The following OSBPL10 variants were observed in gnomAD, a reference collection of about 807,000 sequenced individuals.
OSBPL10 encodes the protein oxysterol binding protein like 10, also known as oxysterol-binding protein-related protein 10.
Under a neutral mutation model 81.7 loss-of-function variants are expected in OSBPL10, and 49 were observed. The observed-to-expected ratio is 0.60, with a 90% confidence interval of 0.48 to 0.76. The LOEUF (loss-of-function observed/expected upper bound fraction) is 0.76, where lower values mean the gene tolerates loss of function less well. Ranked by LOEUF, OSBPL10 falls within the 30% of genes least tolerant of loss-of-function variation. The pLI is 0.00. For missense variants in OSBPL10, 923 were observed against 987.8 expected (o/e 0.93, Z 0.88); for synonymous variants, 419 against 383.6 (o/e 1.09, Z -1.08).
intron 6 of OSBPL10, among the ~76,000 whole-genome samples, chr3:31,727,066 C>T (rs1384942517): frequency 6.6e-6 from 1 of 152,026 alleles, no homozygotes; most frequent in African/African-American, 2.4e-5. Context: ...CTCCTCGCCT[C>T]AAGTGATCCT....
At chr3:31,862,923 C>T (rs527402738) in intron 3 of OSBPL10, among the ~76,000 whole-genome samples, 1 of 152,030 alleles carries the variant, frequency 6.6e-6, no homozygotes, top group Non-Finnish European at 1.5e-5. Flanking sequence ...TAAATATACA[C>T]CCAAAAGAAT....
intron 1 of OSBPL10, among the ~76,000 whole-genome samples, chr3:32,052,579 T>TA (rs935440663): frequency 6.6e-6 from 1 of 151,704 alleles, no homozygotes; most frequent in African/African-American, 2.4e-5. Flanking sequence ...ATAGACTAGA[T>TA]AAAAAAAATG....
chr3:31,766,336 TGTTTTTTTTTG>T (rs756128209), intron 4 of OSBPL10, among the ~76,000 whole-genome samples: 398 of 19,394 alleles, frequency 0.021, 57 homozygotes, highest in Non-Finnish European at 0.042. Context: ...TTTGTTTTTT[TGTTTTTTTTTG>T]TTTTTTTTTT....
intron 7 of OSBPL10, among the ~76,000 whole-genome samples, chr3:31,695,612 C>A (rs1695694135): frequency 6.6e-6 from 1 of 152,208 alleles, no homozygotes; most frequent in Non-Finnish European, 1.5e-5. Flanking sequence ...CAGCCCCTCA[C>A]ATTCTGTATA....
At chr3:31,988,453 C>T (rs1698973636) in intron 2 of OSBPL10, among the ~76,000 whole-genome samples, 1 of 152,140 alleles carries the variant, frequency 6.6e-6, no homozygotes. Flanking sequence ...CAAAGCTATG[C>T]CTATAGATTC....
At chr3:31,827,435 G>T (rs909320446) in intron 4 of OSBPL10, among the ~76,000 whole-genome samples, 4 of 152,166 alleles carry the variant, frequency 2.6e-5, no homozygotes, top group Non-Finnish European at 5.9e-5. Context: ...AGGAGATCAA[G>T]ACCAGCCTGG....
intron 3 of OSBPL10, among the ~76,000 whole-genome samples, chr3:31,837,951 C>G (rs531747908): frequency 6.6e-6 from 1 of 152,214 alleles, no homozygotes; most frequent in Non-Finnish European, 1.5e-5. Context: ...GATGTCAGTT[C>G]TCTCTAATTA....
At chr3:32,056,896 C>A (rs1388263882) in intron 1 of OSBPL10, among the ~76,000 whole-genome samples, 2 of 152,208 alleles carry the variant, frequency 1.3e-5, no homozygotes, top group Non-Finnish European at 2.9e-5. Context: ...GTCATAAAGA[C>A]CATGCTGATA....
intron 5 of OSBPL10, among the ~76,000 whole-genome samples, chr3:31,743,265 C>T (rs562912138): frequency 6.6e-6 from 1 of 152,132 alleles, no homozygotes; most frequent in Non-Finnish European, 1.5e-5. Flanking sequence ...GGTCAAACTC[C>T]TGTCCTCAAG....
chr3:32,036,830 A>G (rs1239448859), intron 2 of OSBPL10, among the ~76,000 whole-genome samples: 1 of 151,430 alleles, frequency 6.6e-6, no homozygotes, highest in Non-Finnish European at 1.5e-5. Context: ...TCTCAAAAAA[A>G]AAAAAGAAAA....
rs1559455335 is a variant in OSBPL10, at chr3:31,766,330, TTTTTTTGTTTTTTTTTG to T, written c.730-18227_730-18211del. Among the ~76,000 whole-genome samples, 3 of 21,088 alleles carry T rather than the reference TTTTTTTGTTTTTTTTTG, an allele frequency of 1.4e-4. 1 individual carries two copies. Among genetic ancestry groups the T allele is most frequent in the Non-Finnish European group, 5.6e-4 (3 of 5,378 alleles). The allele number at this position is 21,088 out of a possible 152,430, so 13.8% of individuals were successfully genotyped here. A position where few individuals can be genotyped will look rare whatever the true frequency, so the allele number is the denominator to read the frequency against. ...TGTTTGGCCCAATGTAGTTTTTTTG[TTTTTTTGTTTTTTTTTG>T]TTTTTTTTTTGAGACACGGTCTCAC... On this transcript the variant is annotated intron_variant, in intron 4 of 11. Coordinates refer to ENST00000396556, the MANE Select transcript of OSBPL10 (RefSeq NM_017784.5).
intron 2 of OSBPL10, among the ~76,000 whole-genome samples, chr3:31,987,927 G>A (rs1031983339): frequency 5.9e-5 from 9 of 152,302 alleles, no homozygotes; most frequent in Admixed American, 1.3e-4. Flanking sequence ...TATGAACTTG[G>A]GTTAGGAAAA....
At chr3:31,850,412 A>G (rs1166950772) in intron 3 of OSBPL10, among the ~76,000 whole-genome samples, 1 of 152,118 alleles carries the variant, frequency 6.6e-6, no homozygotes, top group African/African-American at 2.4e-5. Flanking sequence ...ATAAACCAGG[A>G]AAGAAAATAT....
chr3:31,933,406 A>ATT (rs372720220), intron 1 of OSBPL10, among the ~76,000 whole-genome samples: 12 of 148,340 alleles, frequency 8.1e-5, no homozygotes, highest in East Asian at 3.9e-4. Context: ...GAAACAATAA[A>ATT]TTTTTTTTTT....
At chr3:31,786,390 T>A (rs1559464520) in intron 4 of OSBPL10, among the ~76,000 whole-genome samples, 1 of 152,222 alleles carries the variant, frequency 6.6e-6, no homozygotes, top group Non-Finnish European at 1.5e-5. Context: ...TCAGTCCACT[T>A]GGGCTGCTAT....
At position 31,689,052 on chromosome 3, in the gene OSBPL10, G is replaced by C. The variant is rs142420541; in HGVS notation, c.1246-4938C>G. 2.2e-3 allele frequency among the ~76,000 whole-genome samples: 337 copies of C among 152,152 alleles called. 2 individuals are homozygous for C. Among genetic ancestry groups the C allele is most frequent in the Non-Finnish European group, 3.3e-3 (226 of 68,004 alleles). On this transcript the variant is annotated intron_variant, in intron 7 of 11. Transcript: ENST00000396556. ...CTCTTTATCAAAAGGAAAAACAAAG[G>C]CTCTGCTCAGCAACTTCTGCCAATT...
intron 1 of OSBPL10, among the ~76,000 whole-genome samples, chr3:32,068,484 CA>C (rs201497864): frequency 0.019 from 2,881 of 152,192 alleles, 37 homozygotes; most frequent in Middle Eastern, 0.048. Flanking sequence ...TTCCACCCTC[CA>C]TTCCTCCTTC....
At chr3:31,741,209 A>T (rs985287826) in intron 5 of OSBPL10, among the ~76,000 whole-genome samples, 1 of 152,218 alleles carries the variant, frequency 6.6e-6, no homozygotes, top group Non-Finnish European at 1.5e-5. Context: ...TTTTCACTTG[A>T]AACCATTTAA....
At chr3:31,910,472 G>A (rs562742278) in intron 1 of OSBPL10, among the ~76,000 whole-genome samples, 4 of 151,654 alleles carry the variant, frequency 2.6e-5, no homozygotes, top group Admixed American at 2.0e-4. Context: ...CTGTCTCTAC[G>A]AAAATACAAA....
Sources: allele counts gnomAD v4.1 joint callset (sites outside exome capture counted in the v4.1 genomes callset), GRCh38; gene constraint gnomAD v4.1.1; transcripts MANE v1.5; gene names NCBI Gene and HGNC (gene_info 2026-07-23, HGNC 2026-07-21).